INSL6: variants seen among roughly 807,000 people sequenced by gnomAD.
INSL6 encodes the protein insulin-like peptide INSL6.
INSL6 carries 16 observed loss-of-function variants against 9.4 expected under a neutral mutation model. The observed-to-expected ratio is 1.70, with a 90% CI of 1.15 to 2.59. The LOEUF (loss-of-function observed/expected upper bound fraction) is 2.59, where lower values mean the gene tolerates loss of function less well. INSL6 is among the 30% of genes most tolerant of loss of function. The probability of loss-of-function intolerance (pLI) is 0.00; values close to 1 mark genes in which losing one functional copy is unlikely to be tolerated. For missense variants in INSL6, 391 were observed against 257.3 expected, an observed-to-expected ratio of 1.52 and a Z score of -3.56; for synonymous variants, 154 against 96.9, an observed-to-expected ratio of 1.59 and a Z score of -3.46.
the INSL6 span, among the ~76,000 whole-genome samples, chr9:5,027,530 A>G: frequency 3.9e-5 from 6 of 152,172 alleles, no homozygotes; most frequent in South Asian, 2.1e-4. Flanking sequence ...GGCTATGGCA[A>G]TATCTTAAAA....
the INSL6 span, chr9:5,097,744 T>C: frequency 1.3e-5 from 2 of 152,206 alleles, no homozygotes; most frequent in Non-Finnish European, 2.9e-5. Flanking sequence ...AGCTAATTCA[T>C]CACTAGATAT....
chr9:5,166,643 C>T (rs1227995616), intron 1 of INSL6, among the ~76,000 whole-genome samples: 1 of 151,970 alleles, frequency 6.6e-6, no homozygotes, highest in African/African-American at 2.4e-5. Context: ...AGTGTACCAA[C>T]AATATTCAAA....
At chr9:5,015,728 G>A in the INSL6 span, among the ~76,000 whole-genome samples, 5 of 151,834 alleles carry the variant, frequency 3.3e-5, no homozygotes, top group East Asian at 5.8e-4. Flanking sequence ...ATTCTTTTTC[G>A]TAGCAAAGCA....
chr9:5,049,974 C>T, the INSL6 span, among the ~76,000 whole-genome samples: 1 of 152,146 alleles, frequency 6.6e-6, no homozygotes, highest in Admixed American at 6.5e-5. Flanking sequence ...ATGGAACCAT[C>T]GTTATATATG....
intron 3 of INSL6, chr9:5,132,746 A>C (rs527974600): frequency 2.0e-5 from 3 of 152,350 alleles, no homozygotes; most frequent in African/African-American, 7.2e-5. Context: ...ACATATTAAG[A>C]ATAAAGAAGA....
chr9:5,183,164 A>G (rs1825495943), intron 1 of INSL6, among the ~76,000 whole-genome samples: 1 of 152,214 alleles, frequency 6.6e-6, no homozygotes, highest in African/African-American at 2.4e-5. Context: ...TGCAACTTCT[A>G]AATTATTTCC....
the INSL6 span, among the ~76,000 whole-genome samples, chr9:5,052,730 A>C: frequency 6.6e-6 from 1 of 152,110 alleles, no homozygotes; most frequent in African/African-American, 2.4e-5. Flanking sequence ...ATATAAATAG[A>C]ATCATGCAAA....
At chr9:5,102,522 A>C in the INSL6 span, among the ~76,000 whole-genome samples, 3 of 152,168 alleles carry the variant, frequency 2.0e-5, no homozygotes, top group African/African-American at 7.2e-5. Context: ...CCAACATTCA[A>C]ATTCAGGAAA....
the INSL6 span, chr9:5,086,030 G>C: frequency 5.1e-6 from 4 of 782,382 alleles, no homozygotes; most frequent in African/African-American, 1.7e-5. Context: ...CATTTGGACA[G>C]GCAGGTGTTA....
At chr9:5,054,705 A>C in the INSL6 span, 5 of 1,613,434 alleles carry the variant, frequency 3.1e-6, no homozygotes, top group Non-Finnish European at 4.2e-6. The surrounding 1 kb of genome is among the most constrained non-coding windows in gnomAD (Gnocchi z 4.9). Context: ...CTTGAAACTT[A>C]AGTATCTTAT....
the INSL6 span, chr9:5,090,372 G>C: frequency 9.2e-7 from 1 of 1,091,640 alleles, no homozygotes; most frequent in African/African-American, 1.6e-5. Flanking sequence ...AGTCATTTAT[G>C]TATGATAGTT....
intron 1 of INSL6, among the ~76,000 whole-genome samples, chr9:5,180,359 G>A (rs1257874549): frequency 6.6e-6 from 1 of 152,116 alleles, no homozygotes; most frequent in Non-Finnish European, 1.5e-5. Flanking sequence ...AGGGAACAAG[G>A]GAAGACAACT....
At chr9:5,029,693 GTTACTT>G in the INSL6 span, 1 of 1,198,674 alleles carries the variant, frequency 8.3e-7, no homozygotes, top group Non-Finnish European at 1.2e-6. Context: ...TTTAAGAGTT[GTTACTT>G]TAGCTTCATT....
chr9:5,056,118 T>G, the INSL6 span, among the ~76,000 whole-genome samples: 2 of 152,004 alleles, frequency 1.3e-5, no homozygotes, highest in African/African-American at 4.8e-5. Flanking sequence ...AAATATTTTA[T>G]CAACAGGGAT....
intron 1 of INSL6, among the ~76,000 whole-genome samples, chr9:5,174,281 T>C (rs764900957): frequency 6.6e-6 from 1 of 152,228 alleles, no homozygotes; most frequent in Non-Finnish European, 1.5e-5. Context: ...CAAAACTCCT[T>C]GATAGAGTTT....
chr9:4,997,931 C>T, the INSL6 span, among the ~76,000 whole-genome samples: 1 of 151,562 alleles, frequency 6.6e-6, no homozygotes, highest in East Asian at 1.9e-4. Context: ...TTTTTTTAAT[C>T]TGAATGCATT....
the INSL6 span, chr9:5,021,848 G>C: frequency 1.8e-5 from 11 of 616,036 alleles, no homozygotes. Context: ...GCTGAGGCTT[G>C]TCTCCAACTT....
At chr9:5,181,410 T>C (rs1489021038) in intron 1 of INSL6, among the ~76,000 whole-genome samples, 3 of 151,850 alleles carry the variant, frequency 2.0e-5, no homozygotes, top group African/African-American at 7.3e-5. Flanking sequence ...AGAAAAATAA[T>C]TGATTAGTAG....
the INSL6 span, chr9:5,114,524 G>T: frequency 2.0e-4 from 91 of 466,208 alleles, no homozygotes; most frequent in Non-Finnish European, 4.6e-5. Flanking sequence ...CGCTAGAAGA[G>T]CCGAGGAACC....
Sources: allele counts gnomAD v4.1 joint callset (sites outside exome capture counted in the v4.1 genomes callset), GRCh38; gene constraint gnomAD v4.1.1; non-coding constraint Gnocchi (gnomAD v3.1); transcripts MANE v1.5; gene names NCBI Gene and HGNC (gene_info 2026-07-23, HGNC 2026-07-21).